NRXN3: variants seen among roughly 807,000 people sequenced by gnomAD.
The protein encoded by NRXN3 is neurexin 3.
In NRXN3, 32 loss-of-function variants were observed where a neutral mutation model predicts 137.6. That is an observed-to-expected ratio of 0.23 (90% confidence interval 0.18 to 0.31). The LOEUF (loss-of-function observed/expected upper bound fraction) is 0.31. Ranked by LOEUF, NRXN3 falls within the 10% of genes least tolerant of loss-of-function variation. The pLI, the probability that NRXN3 is intolerant of heterozygous loss-of-function variation, is 1.00. For synonymous variants in NRXN3, 798 were observed against 784.5 expected, an observed-to-expected ratio of 1.02 and a Z score of -0.29; for missense variants, 1,574 against 2,062.5, an observed-to-expected ratio of 0.76 and a Z score of 4.59.
intron 15 of NRXN3, among the ~76,000 whole-genome samples, chr14:79,265,942 G>A (rs1348391619): frequency 2.6e-5 from 4 of 152,274 alleles, no homozygotes; most frequent in African/African-American, 9.6e-5. Flanking sequence ...GAAATTAACA[G>A]GTGGGTGGTT....
At chr14:79,539,380 A>C (rs1187051926) in intron 16 of NRXN3, among the ~76,000 whole-genome samples, 1 of 152,170 alleles carries the variant, frequency 6.6e-6, no homozygotes, top group Non-Finnish European at 1.5e-5. Flanking sequence ...AATCACTGCT[A>C]TTCTGCCTCT....
intron 15 of NRXN3, among the ~76,000 whole-genome samples, chr14:79,081,735 T>C (rs2047058833): frequency 6.6e-6 from 1 of 152,060 alleles, no homozygotes; most frequent in South Asian, 2.1e-4. Context: ...GTATGAGCAA[T>C]GTTCTATGGC....
chr14:79,816,483 C>T (rs1346290072), intron 20 of NRXN3, among the ~76,000 whole-genome samples: 1 of 152,162 alleles, frequency 6.6e-6, no homozygotes, highest in Admixed American at 6.5e-5. Flanking sequence ...TTTGTAAATG[C>T]CACCAAAGTT....
chr14:78,704,784 T>C (rs1447935190), intron 6 of NRXN3, among the ~76,000 whole-genome samples: 1 of 152,206 alleles, frequency 6.6e-6, no homozygotes, highest in Non-Finnish European at 1.5e-5. Flanking sequence ...TAATGCTACC[T>C]ATTTCATTTG....
chr14:78,562,275 T>C (rs555608172), intron 4 of NRXN3, among the ~76,000 whole-genome samples: 1 of 151,666 alleles, frequency 6.6e-6, no homozygotes, highest in African/African-American at 2.4e-5. Flanking sequence ...CACACCCCTG[T>C]AGTCCCGGCT....
At chr14:79,797,820 T>C (rs1317389834) in intron 19 of NRXN3, among the ~76,000 whole-genome samples, 4 of 152,126 alleles carry the variant, frequency 2.6e-5, no homozygotes, top group African/African-American at 4.8e-5. Context: ...TGGCAAGACA[T>C]AGTGGCTCAT....
chr14:78,437,331 C>A (rs1598652765), intron 4 of NRXN3, among the ~76,000 whole-genome samples: 1 of 146,674 alleles, frequency 6.8e-6, no homozygotes. Flanking sequence ...TTATTTTTTT[C>A]TTTTCTTTTC....
chr14:78,414,285 G>A (rs1472292809), intron 4 of NRXN3, among the ~76,000 whole-genome samples: 1 of 152,012 alleles, frequency 6.6e-6, no homozygotes, highest in African/African-American at 2.4e-5. Context: ...GGTGGCATGT[G>A]GCCTTGTCAG....
chr14:78,382,185 G>A (rs1456886822), intron 4 of NRXN3, among the ~76,000 whole-genome samples: 2 of 152,196 alleles, frequency 1.3e-5, no homozygotes, highest in Non-Finnish European at 2.9e-5. Context: ...CAGCCAATCA[G>A]AACATGTGTT....
At chr14:78,390,978 T>C (rs1401421287) in intron 4 of NRXN3, among the ~76,000 whole-genome samples, 2 of 152,168 alleles carry the variant, frequency 1.3e-5, no homozygotes, top group Non-Finnish European at 2.9e-5. Flanking sequence ...TTACCCTCCC[T>C]GTGTCCATGT....
At chr14:79,615,857 C>T (rs2098148936) in intron 16 of NRXN3, among the ~76,000 whole-genome samples, 2 of 152,050 alleles carry the variant, frequency 1.3e-5, no homozygotes, top group Non-Finnish European at 2.9e-5. Context: ...GGGACACAGC[C>T]AAATCATATC....
intron 10 of NRXN3, among the ~76,000 whole-genome samples, chr14:78,934,055 A>G (rs560677370): frequency 2.0e-4 from 30 of 151,718 alleles, no homozygotes; most frequent in African/African-American, 6.8e-4. Context: ...CTTTTATGCT[A>G]TCAAAGATTT....
intron 4 of NRXN3, among the ~76,000 whole-genome samples, chr14:78,502,530 A>G (rs767042556): frequency 5.9e-5 from 9 of 152,252 alleles, no homozygotes; most frequent in Middle Eastern, 3.4e-3. Context: ...CAGCCTATGA[A>G]TATTCTTTTC....
chr14:79,475,526 G>A (rs1027643303), intron 16 of NRXN3, among the ~76,000 whole-genome samples: 2 of 152,118 alleles, frequency 1.3e-5, no homozygotes, highest in African/African-American at 4.8e-5. Flanking sequence ...TGAGGGTACT[G>A]TGACCAACCT....
chr14:78,176,974 T>C (rs61975963), intron 1 of NRXN3, among the ~76,000 whole-genome samples: 7,081 of 152,112 alleles, frequency 0.047, 231 homozygotes, highest in Middle Eastern at 0.075. Context: ...TGGTTAAGGT[T>C]GTCTTCTGAC....
At chr14:78,426,440 G>A (rs1236741131) in intron 4 of NRXN3, among the ~76,000 whole-genome samples, 1 of 152,216 alleles carries the variant, frequency 6.6e-6, no homozygotes, top group Admixed American at 6.5e-5. Context: ...TAGGTTCCTG[G>A]CTGGGGCCCC....
chr14:78,353,686 A>T (rs1205145842), intron 4 of NRXN3, among the ~76,000 whole-genome samples: 1 of 152,186 alleles, frequency 6.6e-6, no homozygotes, highest in Non-Finnish European at 1.5e-5. Flanking sequence ...CTTGAAGAGG[A>T]TAAAGGAGTC....
At chr14:79,338,218 AGT>A (rs56816357) in intron 15 of NRXN3, among the ~76,000 whole-genome samples, 80,683 of 140,886 alleles carry the variant, frequency 0.57, 23,051 homozygotes, top group African/African-American at 0.64. Context: ...TGTGTATGTG[AGT>A]GTGTGTGTGT....
intron 4 of NRXN3, among the ~76,000 whole-genome samples, chr14:78,434,453 A>G (rs771056539): frequency 1.3e-5 from 2 of 152,152 alleles, no homozygotes; most frequent in Non-Finnish European, 2.9e-5. Flanking sequence ...AACTAATTAC[A>G]TCTGTTACCA....
Sources: gnomAD v4.1 joint callset for allele counts (sites outside exome capture counted in the v4.1 genomes callset) on GRCh38, gnomAD v4.1.1 for gene constraint, MANE v1.5 for transcripts, NCBI Gene and HGNC (gene_info 2026-07-23, HGNC 2026-07-21) for gene names.